The following SOX6 variants were observed in gnomAD, a reference collection of about 807,000 sequenced individuals.
SOX6 encodes the protein transcription factor SOX-6.
SOX6 carries 11 observed loss-of-function variants against 97.8 expected under a neutral mutation model. The observed-to-expected ratio is 0.11, with a 90% CI of 0.07 to 0.19. The LOEUF (loss-of-function observed/expected upper bound fraction) is 0.19, where lower values mean the gene tolerates loss of function less well. Among genes scored for constraint, SOX6 ranks in the 10% least tolerant of loss-of-function variants. The pLI is 1.00. For missense variants in SOX6, 810 were observed against 1,039.5 expected, an observed-to-expected ratio of 0.78 and a Z score of 3.04; for synonymous variants, 360 against 371.4, an observed-to-expected ratio of 0.97 and a Z score of 0.35.
In SOX6 at chr11:16,337,774, C is replaced by A. The variant is rs1856507423; in HGVS notation, c.237+3238G>T. On this transcript the variant is annotated intron_variant, in intron 2 of 15. Transcript: ENST00000683767. ...AATCAGAATCTAAAACTTTTTATCT[C>A]AAAGTGGTCCTTGAAATCCTATTTC... Among the ~76,000 whole-genome samples the A allele has an allele frequency of 1.3e-5, 2 of 152,088 alleles. 1 individual carries two copies. Among genetic ancestry groups the A allele is most frequent in the South Asian group, 4.1e-4 (2 of 4,830 alleles).
chr11:16,038,367 T>C (rs1855570977), intron 12 of SOX6, among the ~76,000 whole-genome samples: 1 of 152,050 alleles, frequency 6.6e-6, no homozygotes. Context: ...TAGGGCCATC[T>C]AACTCCAAAG....
At chr11:16,470,412 A>T (rs1860120403) in intron 1 of SOX6, among the ~76,000 whole-genome samples, 1 of 152,168 alleles carries the variant, frequency 6.6e-6, no homozygotes, top group Non-Finnish European at 1.5e-5. Flanking sequence ...TTAAAATGCC[A>T]CAAAGACATG....
At chr11:16,497,374 G>A (rs955363049) in intron 4 of SOX6, among the ~76,000 whole-genome samples, 7 of 152,098 alleles carry the variant, frequency 4.6e-5, no homozygotes, top group Non-Finnish European at 7.3e-5. Flanking sequence ...GGAAAAAACA[G>A]AGCAGAAAAA....
rs139663601 is a variant in SOX6 at position 16,551,250 on chromosome 11, T to C, written n.609+60831A>G. 1.8e-3 allele frequency among the ~76,000 whole-genome samples: 281 copies of C among 152,198 alleles called. 1 individual carries two copies. Among genetic ancestry groups the C allele is most frequent in the African/African-American group, 6.4e-3 (267 of 41,528 alleles). ...CCTGTAGTTCCAGCTACTCAAGAGC[T>C]GAGGTGGGAGGATTACTTGAGCCCA... is the stretch of plus-strand genomic sequence containing the variant. On this transcript the variant is annotated intron_variant and non_coding_transcript_variant, in intron 4 of 5. Coordinates refer to the SOX6 transcript ENST00000524520.
chr11:16,394,089 G>A (rs1565128872), intron 1 of SOX6, among the ~76,000 whole-genome samples: 3 of 151,978 alleles, frequency 2.0e-5, no homozygotes, highest in East Asian at 3.9e-4. Context: ...TTACTATAAG[G>A]CCTCAAAGGA....
chr11:16,489,587 C>T (rs1860480377), intron 4 of SOX6, among the ~76,000 whole-genome samples: 3 of 152,084 alleles, frequency 2.0e-5, no homozygotes, highest in Admixed American at 1.3e-4. Context: ...GATAGATTAA[C>T]TACTTTTTCC....
intron 1 of SOX6, among the ~76,000 whole-genome samples, chr11:16,425,532 G>T (rs558916906): frequency 6.6e-6 from 1 of 152,240 alleles, no homozygotes; most frequent in Admixed American, 6.5e-5. Flanking sequence ...AACTATCCCT[G>T]TTTACAGACA....
intron 2 of SOX6, among the ~76,000 whole-genome samples, chr11:16,727,290 C>CTTTT (rs557437543): frequency 1.6e-3 from 153 of 92,964 alleles, no homozygotes; most frequent in East Asian, 2.6e-3. Context: ...ATTCACCTTG[C>CTTTT]TTTTTTTTTT....
intron 1 of SOX6, among the ~76,000 whole-genome samples, chr11:16,365,180 T>C (rs1158337153): frequency 2.0e-5 from 3 of 152,038 alleles, no homozygotes; most frequent in Non-Finnish European, 1.5e-5. Context: ...CAGGTTTGTG[T>C]GTATAGGAGA....
intron 1 of SOX6, among the ~76,000 whole-genome samples, chr11:16,474,571 C>G (rs1176392449): frequency 6.6e-6 from 1 of 152,138 alleles, no homozygotes; most frequent in Non-Finnish European, 1.5e-5. Flanking sequence ...GAAATAACAT[C>G]TCTAAGGGAA....
chr11:16,089,848 T>C (rs1848646222), intron 9 of SOX6, among the ~76,000 whole-genome samples: 1 of 152,078 alleles, frequency 6.6e-6, no homozygotes, highest in African/African-American at 2.4e-5. Flanking sequence ...GAATATAAAT[T>C]TCCTAAATGT....
At chr11:16,078,143 A>G (rs56710873) in intron 9 of SOX6, among the ~76,000 whole-genome samples, 3,661 of 152,294 alleles carry the variant, frequency 0.024, 147 homozygotes, top group African/African-American at 0.083. Flanking sequence ...AATCAGCATT[A>G]TGGGGATAGA....
intron 3 of SOX6, among the ~76,000 whole-genome samples, chr11:16,295,696 C>T (rs1408324770): frequency 6.6e-6 from 1 of 152,106 alleles, no homozygotes; most frequent in Non-Finnish European, 1.5e-5. Context: ...AACATGTCAA[C>T]ATCTGTTCCC....
intron 6 of SOX6, among the ~76,000 whole-genome samples, chr11:16,121,631 A>C (rs932399480): frequency 7.2e-5 from 11 of 152,054 alleles, no homozygotes; most frequent in African/African-American, 2.7e-4. Flanking sequence ...AGTATAGCAA[A>C]AATTCCATTA....
chr11:16,582,749 T>G (rs1430053728), intron 4 of SOX6, among the ~76,000 whole-genome samples: 1 of 152,108 alleles, frequency 6.6e-6, no homozygotes, highest in Non-Finnish European at 1.5e-5. Flanking sequence ...AAAATATAAT[T>G]ACCAACTGTC....
chr11:16,658,828 G>C (rs1847744607), intron 3 of SOX6, among the ~76,000 whole-genome samples: 2 of 152,050 alleles, frequency 1.3e-5, no homozygotes, highest in Non-Finnish European at 2.9e-5. Flanking sequence ...TTTCTAATTG[G>C]AAAAATGTTT....
chr11:16,132,420 A>AG (rs1849816138), intron 6 of SOX6, among the ~76,000 whole-genome samples: 7 of 111,262 alleles, frequency 6.3e-5, no homozygotes, highest in African/African-American at 2.8e-4. Flanking sequence ...AAAGAAAGAA[A>AG]GAAAGAAAGA....
At chr11:16,118,228 T>C (rs1849401180) in intron 6 of SOX6, among the ~76,000 whole-genome samples, 1 of 152,198 alleles carries the variant, frequency 6.6e-6, no homozygotes, top group African/African-American at 2.4e-5. Flanking sequence ...ATGAAAGGAA[T>C]AAACTACCCC....
At chr11:16,621,159 C>G (rs924287117) in intron 3 of SOX6, among the ~76,000 whole-genome samples, 2 of 152,098 alleles carry the variant, frequency 1.3e-5, no homozygotes, top group African/African-American at 4.8e-5. Flanking sequence ...CAATATTTCA[C>G]AAGCAAAGTT....
Sources: allele counts gnomAD v4.1 joint callset (sites outside exome capture counted in the v4.1 genomes callset), GRCh38; gene constraint gnomAD v4.1.1; transcripts MANE v1.5; gene names NCBI Gene and HGNC (gene_info 2026-07-23, HGNC 2026-07-21).